The following HSPA14 variants were observed in gnomAD, a reference collection of about 807,000 sequenced individuals.
HSPA14 encodes heat shock protein family A (Hsp70) member 14.
A neutral mutation model predicts 65.5 loss-of-function variants in HSPA14; 37 were observed. The ratio of observed to expected loss-of-function variants is 0.56; its 90% CI spans 0.43 to 0.74. The LOEUF is 0.74. Among genes scored for constraint, HSPA14 ranks in the 30% least tolerant of loss-of-function variants. The pLI is 0.00. For synonymous variants in HSPA14, 203 were observed against 214.2 expected (o/e 0.95, Z 0.46); for missense variants, 564 against 607.6 (o/e 0.93, Z 0.75).
At chr10:14,865,291 T>C (rs1832795639) in intron 10 of HSPA14, among the ~76,000 whole-genome samples, 1 of 152,046 alleles carries the variant, frequency 6.6e-6, no homozygotes. Flanking sequence ...ACTCTGATGG[T>C]AGTTTCTTTT....
chr10:14,844,451 A>G (rs1834018713), intron 3 of HSPA14: 1 of 991,022 alleles, frequency 1.0e-6, no homozygotes, highest in Non-Finnish European at 1.2e-6. Context: ...GGAGTTTGAA[A>G]TCTTAATTTT....
chr10:14,860,858 G>C (rs1832745127), intron 10 of HSPA14, among the ~76,000 whole-genome samples: 1 of 152,144 alleles, frequency 6.6e-6, no homozygotes, highest in South Asian at 2.1e-4. Context: ...TGTACCCATG[G>C]GGGAAGCAGA....
intron 3 of HSPA14, chr10:14,843,877 T>A (rs1394304116): frequency 6.5e-7 from 1 of 1,536,298 alleles, no homozygotes; most frequent in Admixed American, 2.0e-5. Context: ...GAGGTTGATT[T>A]CGAATACCAA....
chr10:14,869,260 TGTGTA>T (rs1208581943), intron 12 of HSPA14, among the ~76,000 whole-genome samples: 7 of 151,488 alleles, frequency 4.6e-5, no homozygotes, highest in Admixed American at 4.0e-4. Flanking sequence ...TGTGTGTGTG[TGTGTA>T]AAGAGATACA....
rs771504472 is a variant in HSPA14, at chr10:14,855,830, T to C, written c.891-11T>C. ...GTCTGTGTGTTTCTGTGTGTGTGTATGTGTGTACAGAGCAAGATTTGAACT... is the reference window on the plus strand; with the variant it reads ...GTCTGTGTGTTTCTGTGTGTGTGTACGTGTGTACAGAGCAAGATTTGAACT... On this transcript the variant is annotated splice_polypyrimidine_tract_variant and intron_variant, in intron 9 of 13. Transcript: ENST00000378372. 1.4e-6 allele frequency: 2 copies of C among 1,405,322 alleles called. No individual in the cohort carries two copies. Among genetic ancestry groups the C allele is most frequent in the Non-Finnish European group, 2.0e-6 (2 of 990,730 alleles). 87.1% of individuals were successfully genotyped at this position (1,405,322 alleles called of 1,614,324 possible). A position where few individuals can be genotyped will look rare whatever the true frequency, so the allele number is the denominator to read the frequency against.
chr10:14,850,325 T>TTTCGA (rs1461326498), intron 6 of HSPA14, among the ~76,000 whole-genome samples: 1 of 152,124 alleles, frequency 6.6e-6, no homozygotes, highest in Non-Finnish European at 1.5e-5. Flanking sequence ...CCTTCAGCTG[T>TTTCGA]TTCGATCGGA....
At chr10:14,864,316 C>G (rs1832785539) in intron 10 of HSPA14, among the ~76,000 whole-genome samples, 1 of 137,654 alleles carries the variant, frequency 7.3e-6, no homozygotes, top group Non-Finnish European at 1.6e-5. Context: ...GCACCACTTA[C>G]TTTTTTTTTT....
chr10:14,858,604 T>C (rs1258624765), intron 10 of HSPA14, among the ~76,000 whole-genome samples: 1 of 152,158 alleles, frequency 6.6e-6, no homozygotes, highest in African/African-American at 2.4e-5. Context: ...TTCGATTAGA[T>C]AGGTGCATGT....
chr10:14,864,535 A>T (rs1257365638), intron 10 of HSPA14, among the ~76,000 whole-genome samples: 1 of 151,320 alleles, frequency 6.6e-6, no homozygotes, highest in Non-Finnish European at 1.5e-5. Context: ...CCTGTGTCCA[A>T]GTGTTCTCAT....
chr10:14,845,427 G>C (rs1834036939), intron 3 of HSPA14: 2 of 985,258 alleles, frequency 2.0e-6, no homozygotes, highest in Non-Finnish European at 2.4e-6. Flanking sequence ...CAGTGGGAGC[G>C]TACCCAGAAC....
intron 10 of HSPA14, among the ~76,000 whole-genome samples, chr10:14,859,684 C>A (rs1832735891): frequency 6.6e-6 from 1 of 152,154 alleles, no homozygotes; most frequent in Admixed American, 6.5e-5. Flanking sequence ...GTATGTTATA[C>A]AACAGTCTTT....
At chr10:14,865,161 A>G (rs1003924944) in intron 10 of HSPA14, among the ~76,000 whole-genome samples, 1 of 152,106 alleles carries the variant, frequency 6.6e-6, no homozygotes, top group African/African-American at 2.4e-5. Context: ...CCACTTGTTG[A>G]TGGGGCTGTT....
At chr10:14,869,003 C>T (rs1026689587) in intron 12 of HSPA14, among the ~76,000 whole-genome samples, 3 of 151,968 alleles carry the variant, frequency 2.0e-5, no homozygotes, top group African/African-American at 7.2e-5. Flanking sequence ...CCCACCACCA[C>T]GTTCGTCTAA....
chr10:14,845,504 T>C, intron 3 of HSPA14: 2 of 985,212 alleles, frequency 2.0e-6, no homozygotes, highest in African/African-American at 1.7e-5. Context: ...GCTGGTGTGG[T>C]AGAATATGTT....
chr10:14,867,757 A>C lies in HSPA14; in HGVS notation c.1228A>C (p.Ser410Arg). 1.2e-6 allele frequency: 2 copies of C among 1,613,978 alleles called. No individual in the cohort carries two copies. The highest frequency in any genetic ancestry group is 1.7e-6 in the Non-Finnish European group (2 of 1,179,942). ...CTAGGGTGTGGACGAATCAGGAGCC[A>C]GTAGATTCACAGTGCTGTTTCCATC... is the stretch of plus-strand genomic sequence containing the variant. ...LVKGVDESGA[S>R]RFTVLFPSGT... The change falls in exon 12 of 14, where the codon AGT (serine) becomes CGT (arginine). Residue 410 changes from serine (S) to arginine (R), a missense_variant. Coordinates refer to ENST00000378372, the MANE Select transcript of HSPA14 (RefSeq NM_016299.4).
Position 14,849,704 on chromosome 10 carries a change from T to C in HSPA14, c.377-17T>C. The C allele has an allele frequency of 6.5e-7, 1 of 1,542,184 alleles. No individual in the cohort carries two copies. The highest frequency in any genetic ancestry group is 1.4e-5 in the African/African-American group (1 of 72,338). ...ATTTTCTTCTGTCATCAGAATTTTA[T>C]ATTTTTTAATATGCAGAAACGGCAC... On this transcript the variant is annotated splice_polypyrimidine_tract_variant and intron_variant, in intron 5 of 13. Coordinates refer to ENST00000378372, the MANE Select transcript of HSPA14 (RefSeq NM_016299.4).
chr10:14,846,369 A>G, intron 3 of HSPA14: 6 of 985,422 alleles, frequency 6.1e-6, no homozygotes, highest in Non-Finnish European at 7.2e-6. Context: ...GAAGAAGAGC[A>G]TTGGAATTAA....
chr10:14,867,776 T>C lies in HSPA14; in HGVS notation c.1247T>C (p.Phe416Ser). Reference sequence around the variant, plus strand: ...GGAGCCAGTAGATTCACAGTGCTGTTTCCATCAGGGACTCCTTTGCCAGCT... The same window carrying C: ...GGAGCCAGTAGATTCACAGTGCTGTCTCCATCAGGGACTCCTTTGCCAGCT... ...ESGASRFTVLFPSGTPLPARR... is the reference protein window; with the variant it reads ...ESGASRFTVLSPSGTPLPARR... Residue 416 changes from phenylalanine to serine, a missense_variant, in exon 12 of 14, where the codon TTT becomes TCT. By Grantham distance (155) the Phe-to-Ser change is radical. Transcript: ENST00000378372. 6.2e-7 allele frequency: 1 copy of C among 1,614,178 alleles called. No individual in the cohort carries two copies. The highest frequency in any genetic ancestry group is 1.1e-5 in the South Asian group (1 of 91,082).
chr10:14,842,459 G>A lies in HSPA14; in HGVS notation c.221+2302G>A, dbSNP rs1449045382. 11 of 1,536,026 alleles carry A rather than the reference G, an allele frequency of 7.2e-6. No individual in the cohort carries two copies. Among genetic ancestry groups the A allele is most frequent in the Non-Finnish European group, 9.6e-6 (11 of 1,146,928 alleles). On this transcript the variant is annotated intron_variant, in intron 3 of 13. Coordinates refer to ENST00000378372, the MANE Select transcript of HSPA14 (RefSeq NM_016299.4). The surrounding 1 kb of genome is among the most constrained non-coding windows in gnomAD (Gnocchi z 5.2). ...GCAGCAGGAGGGCTTCCGCCGCACC[G>A]AACGTCAGTGCCGCTCCAAGTTTAA...
Sources: gnomAD v4.1 joint callset for allele counts (sites outside exome capture counted in the v4.1 genomes callset) on GRCh38, gnomAD v4.1.1 for gene constraint, Gnocchi (gnomAD v3.1) non-coding constraint, MANE v1.5 for transcripts, NCBI Gene and HGNC (gene_info 2026-07-23, HGNC 2026-07-21) for gene names.